Variants in ZNF84 observed in about 807,000 individuals in gnomAD.
The protein encoded by ZNF84 is zinc finger protein HPF2.
In ZNF84, 12 loss-of-function variants were observed where a neutral mutation model predicts 14.8. The observed-to-expected ratio is 0.81, with a 90% CI of 0.52 to 1.31. The LOEUF is 1.31. ZNF84 is among the 50% of genes most tolerant of loss of function. The pLI is 0.00. For synonymous variants in ZNF84, 347 were observed against 291.1 expected (o/e 1.19, Z -1.96); for missense variants, 859 against 878.6 (o/e 0.98, Z 0.28).
At chr12:133,038,558 CAAA>C (rs67023898) in intron 1 of ZNF84, among the ~76,000 whole-genome samples, 20 of 142,276 alleles carry the variant, frequency 1.4e-4, no homozygotes, top group South Asian at 2.3e-4. Context: ...AAGACCCTGT[CAAA>C]AAAAAAAAAA....
In ZNF84 at chr12:133,058,775, A is replaced by C; in HGVS notation, c.2060A>C (p.Glu687Ala). 6.2e-7 allele frequency: 1 copy of C among 1,614,096 alleles called. No individual in the cohort carries two copies. The highest frequency in any genetic ancestry group is 1.1e-5 in the South Asian group (1 of 91,076). Residue 687 changes from glutamate to alanine, a missense_variant, in exon 5 of 5, where the codon GAA becomes GCA. By Grantham distance (107) the Glu-to-Ala change is moderately radical. Transcript: ENST00000539354. ...GGTGAGAAACCCTATGGATGCAGTG[A>C]ATGTAGGAAGGCCTTCTCTCAGAAG... ...HTGEKPYGCS[E>A]CRKAFSQKSQ...
At chr12:133,043,170 G>A (rs1953915300) in intron 2 of ZNF84, among the ~76,000 whole-genome samples, 1 of 152,004 alleles carries the variant, frequency 6.6e-6, no homozygotes, top group African/African-American at 2.4e-5. Context: ...CAGTTGAGGT[G>A]GCTTCTTTAT....
intron 2 of ZNF84, among the ~76,000 whole-genome samples, chr12:133,046,202 T>G (rs1953974633): frequency 6.6e-6 from 1 of 152,092 alleles, no homozygotes. Context: ...TGTAAGGTCT[T>G]TGATGGCTAA....
rs1344705160 is a variant in ZNF84 at position 133,059,023 on chromosome 12, G to A, written c.*91G>A. On this transcript the variant is annotated 3_prime_UTR_variant, in exon 5 of 5. Coordinates refer to ENST00000539354, the MANE Select transcript of ZNF84 (RefSeq NM_001289971.2). ...TTTGTAGACAGTCACGTCATGTTAG[G>A]TGTTTGTACTCCATGAGGATGAGAA... 7.8e-6 allele frequency: 10 copies of A among 1,275,898 alleles called. No homozygotes were observed. Among genetic ancestry groups the A allele is most frequent in the African/African-American group, 6.0e-5 (4 of 67,178 alleles). 79.0% of individuals were successfully genotyped at this position (1,275,898 alleles called of 1,614,324 possible).
intron 4 of ZNF84, chr12:133,050,531 C>T (rs1255856544): frequency 7.5e-6 from 3 of 398,486 alleles, no homozygotes; most frequent in African/African-American, 4.1e-5. Context: ...CAGGGACCTC[C>T]ATAGTATGAC....
In ZNF84 at chr12:133,061,640, A is replaced by C. The variant is rs2137441237; in HGVS notation, c.*2708A>C. 1 of 152,248 alleles carries C rather than the reference A, an allele frequency of 6.6e-6. No individual in the cohort carries two copies. Among genetic ancestry groups the C allele is most frequent in the Non-Finnish European group, 1.5e-5 (1 of 68,006 alleles). The allele number at this position is 152,248 out of a possible 1,614,324, so 9.4% of individuals were successfully genotyped here. Reference sequence around the variant, plus strand: ...TCTTTCCAATCCCAGAGATTGATTTATTAGGTCTTGGAAATTCTAGATTAT... The same window carrying C: ...TCTTTCCAATCCCAGAGATTGATTTCTTAGGTCTTGGAAATTCTAGATTAT... On this transcript the variant is annotated 3_prime_UTR_variant, in exon 5 of 5. Coordinates refer to ENST00000539354, the MANE Select transcript of ZNF84 (RefSeq NM_001289971.2).
intron 2 of ZNF84, among the ~76,000 whole-genome samples, chr12:133,043,487 A>G (rs1332414905): frequency 2.0e-5 from 3 of 151,858 alleles, no homozygotes; most frequent in African/African-American, 7.3e-5. Flanking sequence ...TTAAATGATC[A>G]TTGCATAGAT....
chr12:133,044,771 G>A (rs952863765), intron 2 of ZNF84, among the ~76,000 whole-genome samples: 9 of 152,024 alleles, frequency 5.9e-5, no homozygotes, highest in African/African-American at 1.4e-4. Flanking sequence ...AAAATTAGCC[G>A]GGCGTGGTGG....
In ZNF84 at chr12:133,044,863, G is replaced by A. The variant is rs1385915223; in HGVS notation, c.16-3092G>A. On this transcript the variant is annotated intron_variant, in intron 2 of 4. Transcript: ENST00000539354. The stretch of plus-strand genomic sequence containing the variant: ...TGGGAGGTGGAGGTTGCAGTGAGCC[G>A]AGATTGCGCCACTGCACTCCAGCCT... 4.6e-5 allele frequency among the ~76,000 whole-genome samples: 7 copies of A among 151,666 alleles called. No homozygotes were observed. In the South Asian group the frequency reaches 8.3e-4, roughly 18 times the overall value.
Position 133,062,890 on chromosome 12 carries a change from C to T in ZNF84, c.*3958C>T. 1 of 525,504 alleles carries T rather than the reference C, an allele frequency of 1.9e-6. No homozygotes were observed. Among genetic ancestry groups the T allele is most frequent in the Non-Finnish European group, 3.4e-6 (1 of 295,076 alleles). 32.6% of individuals were successfully genotyped at this position (525,504 alleles called of 1,614,324 possible). On this transcript the variant is annotated 3_prime_UTR_variant, in exon 5 of 5. Coordinates refer to ENST00000539354, the MANE Select transcript of ZNF84 (RefSeq NM_001289971.2). Reference sequence around the variant, plus strand: ...TATCACTTATGTTTTTGCAAATCTGCAATTGAAATGCCCTTGTTCCTTGTT... The same window carrying T: ...TATCACTTATGTTTTTGCAAATCTGTAATTGAAATGCCCTTGTTCCTTGTT...
In ZNF84 at chr12:133,058,986, A is replaced by G. The variant is rs1954211238; in HGVS notation, c.*54A>G. 5 of 1,493,898 alleles carry G rather than the reference A, an allele frequency of 3.3e-6. No individual in the cohort carries two copies. In the African/African-American group the frequency reaches 4.2e-5, roughly 13 times the overall value. 92.5% of individuals were successfully genotyped at this position (1,493,898 alleles called of 1,614,324 possible). ...ATCATCTTGGACTTCAGGAAATGCAATTATGATAACGTTTGTAGACAGTCA... is the reference window on the plus strand; with the variant it reads ...ATCATCTTGGACTTCAGGAAATGCAGTTATGATAACGTTTGTAGACAGTCA... On this transcript the variant is annotated 3_prime_UTR_variant, in exon 5 of 5. Coordinates refer to ENST00000539354, the MANE Select transcript of ZNF84 (RefSeq NM_001289971.2).
chr12:133,044,201 G>A (rs1180517551), intron 2 of ZNF84, among the ~76,000 whole-genome samples: 1 of 152,078 alleles, frequency 6.6e-6, no homozygotes, highest in East Asian at 1.9e-4. Flanking sequence ...CTAGAGTGCA[G>A]TGGCACAATC....
intron 2 of ZNF84, among the ~76,000 whole-genome samples, chr12:133,044,103 A>G (rs1223344865): frequency 6.6e-5 from 10 of 151,532 alleles, no homozygotes; most frequent in Non-Finnish European, 1.5e-4. Flanking sequence ...TTTAGATTTG[A>G]TTAGATTTTT....
chr12:133,057,927 A>G lies in ZNF84; in HGVS notation c.1212A>G (p.Glu404=), dbSNP rs1954190310. The change falls in exon 5 of 5, where the codon GAA becomes GAG. Residue 404 remains glutamate, a synonymous_variant. Transcript: ENST00000539354. Reference sequence around the variant, plus strand: ...TTCATACTGGAGAGAAACCCTATGAATGCAGCGAGTGTAGGAAAGCATTTA... The same window carrying G: ...TTCATACTGGAGAGAAACCCTATGAGTGCAGCGAGTGTAGGAAAGCATTTA... The part of the protein sequence containing the change: ...QTIHTGEKPY[E]CSECRKAFRE... 8 of 1,614,008 alleles carry G rather than the reference A, an allele frequency of 5.0e-6. No individual in the cohort carries two copies. The highest frequency in any genetic ancestry group is 5.9e-6 in the Non-Finnish European group (7 of 1,180,028).
At chr12:133,053,395 T>C (rs1385413115) in intron 4 of ZNF84, among the ~76,000 whole-genome samples, 1 of 152,230 alleles carries the variant, frequency 6.6e-6, no homozygotes, top group East Asian at 1.9e-4. Context: ...GCACCCGTAT[T>C]CTCTGATACC....
In ZNF84 at chr12:133,057,694, G is replaced by A; in HGVS notation, c.979G>A (p.Ala327Thr). Residue 327 changes from alanine to threonine, a missense_variant, in exon 5 of 5, where the codon GCC (alanine) becomes ACC (threonine). Coordinates refer to ENST00000539354, the MANE Select transcript of ZNF84 (RefSeq NM_001289971.2). ...CTATGGATGCAATGAATGTGGGAGG[G>A]CCTTTAGTGAAAAGTCCAATCTCAT... ...KPYGCNECGR[A>T]FSEKSNLINH... 2.5e-6 allele frequency: 4 copies of A among 1,614,002 alleles called. No individual in the cohort carries two copies. Among genetic ancestry groups the A allele is most frequent in the Non-Finnish European group, 3.4e-6 (4 of 1,180,008 alleles).
rs1447083375 is a variant in ZNF84 at position 133,062,347 on chromosome 12, G to A, written c.*3415G>A. The A allele has an allele frequency of 1.3e-5, 2 of 152,200 alleles. No individual in the cohort carries two copies. Among genetic ancestry groups the A allele is most frequent in the African/African-American group, 2.4e-5 (1 of 41,446 alleles). 9.4% of individuals were successfully genotyped at this position (152,200 alleles called of 1,614,324 possible). A position where few individuals can be genotyped will look rare whatever the true frequency, so the allele number is the denominator to read the frequency against. On this transcript the variant is annotated 3_prime_UTR_variant, in exon 5 of 5. Transcript: ENST00000539354. ...GTTTCGGGAACATCACTTTTAGAAT[G>A]TTGACATAAAATGCACCCACAGAAT... is the stretch of plus-strand genomic sequence containing the variant.
intron 2 of ZNF84, among the ~76,000 whole-genome samples, chr12:133,046,370 T>G (rs1953979484): frequency 2.4e-5 from 2 of 83,190 alleles, no homozygotes; most frequent in Non-Finnish European, 4.9e-5. Context: ...TTTTTTTTTT[T>G]TTTTTTTTTT....
Position 133,037,527 on chromosome 12 carries a change from C to T in ZNF84, c.-209C>T, listed in dbSNP as rs1274852770. On this transcript the variant is annotated 5_prime_UTR_variant, in exon 1 of 5. Transcript: ENST00000539354. ...CGAGGCCGCGGGCGCGCGGGCGCGACTCGGCGGCGGCGTCTTTTGTGAGTT... is the reference window on the plus strand; with the variant it reads ...CGAGGCCGCGGGCGCGCGGGCGCGATTCGGCGGCGGCGTCTTTTGTGAGTT... 5 of 152,172 alleles carry T rather than the reference C, an allele frequency of 3.3e-5. No individual in the cohort carries two copies. The highest frequency in any genetic ancestry group is 7.3e-5 in the Non-Finnish European group (5 of 68,344). The allele number at this position is 152,172 out of a possible 1,614,324, so 9.4% of individuals were successfully genotyped here.
Sources: gnomAD v4.1 joint callset for allele counts (sites outside exome capture counted in the v4.1 genomes callset) on GRCh38, gnomAD v4.1.1 for gene constraint, MANE v1.5 for transcripts, NCBI Gene and HGNC (gene_info 2026-07-23, HGNC 2026-07-21) for gene names.